Variants in NID2 observed in about 807,000 individuals in gnomAD.
The protein encoded by NID2 is nidogen-2.
Under a neutral mutation model 145.4 loss-of-function variants are expected in NID2, and 83 were observed. That is an observed-to-expected ratio of 0.57 (90% confidence interval 0.48 to 0.69). The LOEUF is 0.69. Ranked by LOEUF, NID2 falls within the 30% of genes least tolerant of loss-of-function variation. The pLI, the probability that NID2 is intolerant of heterozygous loss-of-function variation, is 0.00. For missense variants in NID2, 1,807 were observed against 1,765.7 expected (o/e 1.02, Z -0.42); for synonymous variants, 739 against 701.3 (o/e 1.05, Z -0.85).
At chr14:52,030,463 C>A (rs1891761107) in intron 9 of NID2, among the ~76,000 whole-genome samples, 2 of 96,810 alleles carry the variant, frequency 2.1e-5, no homozygotes, top group South Asian at 3.8e-4. Flanking sequence ...TATGCCAAGA[C>A]CTTATCTCGA....
intron 2 of NID2, among the ~76,000 whole-genome samples, chr14:52,067,370 ATTG>A (rs1222459741): frequency 6.6e-6 from 1 of 152,238 alleles, no homozygotes; most frequent in Admixed American, 6.5e-5. Context: ...TAAACTCATC[ATTG>A]TTAATAGACA....
intron 2 of NID2, among the ~76,000 whole-genome samples, chr14:52,060,699 A>T (rs1481893529): frequency 3.3e-5 from 5 of 152,254 alleles, no homozygotes; most frequent in Non-Finnish European, 7.3e-5. Context: ...GCTAAGAGCA[A>T]TCAGCAAAAT....
rs528543353 is a variant in NID2 at position 52,024,358 on chromosome 14, G to A, written c.2674+2843C>T. ...TGGCATTAATAAAGTAAGCTGTAGT[G>A]TTAGAGAGGCCCAAGTGGCAAGAAA... On this transcript the variant is annotated intron_variant, in intron 12 of 21. Coordinates refer to ENST00000216286, the MANE Select transcript of NID2 (RefSeq NM_007361.4). 3.3e-4 allele frequency among the ~76,000 whole-genome samples: 51 copies of A among 152,340 alleles called. 1 individual carries two copies. In the South Asian group the frequency reaches 6.2e-3, roughly 19 times the overall value.
chr14:52,048,000 C>A (rs1156575398), intron 5 of NID2, among the ~76,000 whole-genome samples: 1 of 152,148 alleles, frequency 6.6e-6, no homozygotes, highest in Non-Finnish European at 1.5e-5. Context: ...GCAATCTACA[C>A]TTTAGCCACC....
chr14:52,017,593 C>T (rs1212390668), intron 14 of NID2, among the ~76,000 whole-genome samples: 2 of 151,546 alleles, frequency 1.3e-5, no homozygotes, highest in African/African-American at 4.9e-5. Flanking sequence ...TAAATTTAAT[C>T]GAATTCTGAA....
chr14:52,023,178 A>G (rs563254546), intron 12 of NID2, among the ~76,000 whole-genome samples: 3 of 152,336 alleles, frequency 2.0e-5, no homozygotes, highest in Non-Finnish European at 4.4e-5. Context: ...TTTCGTTATC[A>G]AAGAAGAGAG....
chr14:52,046,180 A>G (rs1420170590), intron 5 of NID2, among the ~76,000 whole-genome samples: 2 of 151,922 alleles, frequency 1.3e-5, no homozygotes, highest in Non-Finnish European at 2.9e-5. Flanking sequence ...AAAATTAGCC[A>G]GGCGTGGTGG....
intron 9 of NID2, among the ~76,000 whole-genome samples, chr14:52,035,367 G>T (rs1211683994): frequency 6.6e-6 from 1 of 152,190 alleles, no homozygotes; most frequent in Non-Finnish European, 1.5e-5. Context: ...GAATGATTCT[G>T]TATGTAGCCT....
At chr14:52,019,940 CA>C in intron 13 of NID2, 118 bp downstream of exon 13, 1 of 1,393,500 alleles carries the variant, frequency 7.2e-7, no homozygotes, top group Non-Finnish European at 9.7e-7. Context: ...AAAAAATCCA[CA>C]GCTTGGAAAA....
At chr14:52,013,198 C>A (rs550217317) in intron 16 of NID2, among the ~76,000 whole-genome samples, 48 of 152,306 alleles carry the variant, frequency 3.2e-4, no homozygotes, top group African/African-American at 1.1e-3. Flanking sequence ...ACCCACGTCC[C>A]ATTTCTTTCA....
intron 12 of NID2, among the ~76,000 whole-genome samples, chr14:52,026,712 TAAAG>T (rs1891598436): frequency 6.6e-6 from 1 of 152,242 alleles, no homozygotes; most frequent in African/African-American, 2.4e-5. Flanking sequence ...CATTAAGTCT[TAAAG>T]ATAGATTTCT....
rs1892341484 is a variant in NID2 at position 52,042,968 on chromosome 14, A to G, written c.1430-37T>C. 3 of 1,604,674 alleles carry G rather than the reference A, an allele frequency of 1.9e-6. No individual in the cohort carries two copies. The East Asian group carries it at 6.7e-5, about 36-fold the overall frequency. ...AACAAACTTGCCTTAAAAGGACTAA[A>G]TGATTCCAATGTCACTGCTGCATCG... On this transcript the variant is annotated intron_variant, in intron 5 of 21. Coordinates refer to ENST00000216286, the MANE Select transcript of NID2 (RefSeq NM_007361.4).
At chr14:52,015,376 TC>T (rs1384583957) in intron 14 of NID2, 101 bp from the exon 15 acceptor site, 4 of 1,117,280 alleles carry the variant, frequency 3.6e-6, no homozygotes, top group East Asian at 5.1e-5. Flanking sequence ...CTCCTGGCCT[TC>T]CTTCTCCTAC....
chr14:52,042,424 C>T, intron 6 of NID2, 74 bp from the exon 7 acceptor site: 1 of 1,488,392 alleles, frequency 6.7e-7, no homozygotes, highest in Non-Finnish European at 9.0e-7. Flanking sequence ...TATAATTATT[C>T]CACTGACAAC....
At chr14:52,013,347 T>C (rs899932837) in intron 16 of NID2, among the ~76,000 whole-genome samples, 1 of 152,116 alleles carries the variant, frequency 6.6e-6, no homozygotes, top group African/African-American at 2.4e-5. Context: ...CCAGAGAAAG[T>C]TTTACAAAAC....
At chr14:52,061,285 G>A (rs1192383549) in intron 2 of NID2, among the ~76,000 whole-genome samples, 2 of 152,170 alleles carry the variant, frequency 1.3e-5, no homozygotes, top group Non-Finnish European at 2.9e-5. Flanking sequence ...CTGAACCTCT[G>A]TAACACCTTT....
intron 9 of NID2, 82 bp from the exon 10 acceptor site, chr14:52,029,772 G>C: frequency 8.5e-7 from 1 of 1,174,390 alleles, no homozygotes; most frequent in Non-Finnish European, 1.2e-6. Context: ...CCTCGGAACT[G>C]ACTGCATGTC....
chr14:52,048,556 G>C (rs1223210137), intron 5 of NID2, among the ~76,000 whole-genome samples: 1 of 152,118 alleles, frequency 6.6e-6, no homozygotes, highest in Non-Finnish European at 1.5e-5. Context: ...TCCCTATCAT[G>C]GCTTTGAGTG....
At chr14:52,040,877 G>A (rs1892257141) in intron 7 of NID2, 26 bp from the exon 8 acceptor site, 1 of 1,607,030 alleles carries the variant, frequency 6.2e-7, no homozygotes, top group South Asian at 1.1e-5. Flanking sequence ...ATTCAGCACA[G>A]GGATGAAAAG....
Sources: gnomAD v4.1 joint callset for allele counts (sites outside exome capture counted in the v4.1 genomes callset) on GRCh38, gnomAD v4.1.1 for gene constraint, MANE v1.5 for transcripts, NCBI Gene and HGNC (gene_info 2026-07-23, HGNC 2026-07-21) for gene names.